The following AP1S3 variants were observed in gnomAD, a reference collection of about 807,000 sequenced individuals.
AP1S3 encodes the protein AP-1 complex subunit sigma-3.
AP1S3 carries 10 observed loss-of-function variants against 20.9 expected under a neutral mutation model. The observed-to-expected ratio is 0.48, with a 90% CI of 0.29 to 0.81. The LOEUF (loss-of-function observed/expected upper bound fraction) is 0.81, where lower values mean the gene tolerates loss of function less well. AP1S3 is among the 30% of genes least tolerant of loss of function. The probability of loss-of-function intolerance (pLI) is 0.08; values close to 1 mark genes in which losing one functional copy is unlikely to be tolerated. For missense variants in AP1S3, 154 were observed against 183.8 expected, an observed-to-expected ratio of 0.84 and a Z score of 0.94; for synonymous variants, 41 against 61.5, an observed-to-expected ratio of 0.67 and a Z score of 1.56.
intron 3 of AP1S3, among the ~76,000 whole-genome samples, chr2:223,770,719 A>C: frequency 1.5e-5 from 2 of 129,180 alleles, no homozygotes; most frequent in African/African-American, 6.6e-5. Context: ...AGACCCTTAG[A>C]CCAGTTCATT....
intron 1 of AP1S3, among the ~76,000 whole-genome samples, chr2:223,792,096 GC>G (rs1167669638): frequency 6.6e-6 from 1 of 152,156 alleles, no homozygotes; most frequent in East Asian, 1.9e-4. Flanking sequence ...CAGATTCAAT[GC>G]CATTCCCATT....
intron 3 of AP1S3, chr2:223,773,415 A>G: frequency 7.9e-7 from 1 of 1,266,828 alleles, no homozygotes; most frequent in Non-Finnish European, 1.0e-6. Flanking sequence ...AGAAAGTATT[A>G]AATAATATGT....
At position 223,756,069 on chromosome 2, in the gene AP1S3, C is replaced by T. The variant is rs527793130; in HGVS notation, c.*2646G>A. ...AAATAAAGAATTTGGCCGGGTGCAG[C>T]GGCTCATGCCTGTAATTCCAGCACT... On this transcript the variant is annotated 3_prime_UTR_variant, in exon 5 of 5. Transcript: ENST00000396654. 50 of 984,914 alleles carry T rather than the reference C, an allele frequency of 5.1e-5. No homozygotes were observed. The highest frequency in any genetic ancestry group is 1.0e-3 in the Middle Eastern group (2 of 1,914). The allele number at this position is 984,914 out of a possible 1,614,324, so 61.0% of individuals were successfully genotyped here.
At chr2:223,809,172 A>T (rs561189020) in intron 1 of AP1S3, among the ~76,000 whole-genome samples, 1 of 152,296 alleles carries the variant, frequency 6.6e-6, no homozygotes, top group East Asian at 1.9e-4. Flanking sequence ...GAAAGAGCCA[A>T]ATCCTCACCA....
At chr2:223,802,861 C>T (rs1394688844) in intron 1 of AP1S3, among the ~76,000 whole-genome samples, 1 of 152,134 alleles carries the variant, frequency 6.6e-6, no homozygotes, top group Non-Finnish European at 1.5e-5. Flanking sequence ...TTTTGAACAA[C>T]CAACCATTTT....
At chr2:223,832,720 C>T (rs1208649919) in intron 1 of AP1S3, among the ~76,000 whole-genome samples, 1 of 151,900 alleles carries the variant, frequency 6.6e-6, no homozygotes, top group Non-Finnish European at 1.5e-5. Flanking sequence ...CGTGGCAGGA[C>T]CTACAGGTTC....
Position 223,758,684 on chromosome 2 carries a change from G to T in AP1S3, c.*31C>A. ...TTGCTTATTTACAGCTTCATAACAT[G>T]TAGTGCTGGAGTCTTCAAGTAGATT... On this transcript the variant is annotated 3_prime_UTR_variant, in exon 5 of 5. Coordinates refer to ENST00000396654, the MANE Select transcript of AP1S3 (RefSeq NM_001039569.2). 2 of 1,579,450 alleles carry T rather than the reference G, an allele frequency of 1.3e-6. No homozygotes were observed.
intron 1 of AP1S3, among the ~76,000 whole-genome samples, chr2:223,797,829 T>G (rs1411286568): frequency 6.6e-6 from 1 of 152,208 alleles, no homozygotes; most frequent in Non-Finnish European, 1.5e-5. Flanking sequence ...ACACTGTGTG[T>G]GGATGTGGTC....
chr2:223,829,369 A>G (rs1043657376), intron 1 of AP1S3, among the ~76,000 whole-genome samples: 2 of 152,160 alleles, frequency 1.3e-5, no homozygotes, highest in East Asian at 1.9e-4. Flanking sequence ...GCTCATGTCT[A>G]TAATCCCAAC....
At chr2:223,832,133 C>CTGTGTGTGTGTG (rs1482045373) in intron 1 of AP1S3, among the ~76,000 whole-genome samples, 2 of 43,020 alleles carry the variant, frequency 4.6e-5, no homozygotes, top group East Asian at 5.1e-4. Flanking sequence ...GGAGTTTTCT[C>CTGTGTGTGTGTG]TCTGTGTGTG....
Position 223,765,353 on chromosome 2 carries a change from G to A in AP1S3, c.292-3C>T, listed in dbSNP as rs1288767327. ...AAGATAATATCCAGCTCACAGACCTGGTGGGACAAAAACAAACGTTTTGAT... is the reference window on the plus strand; with the variant it reads ...AAGATAATATCCAGCTCACAGACCTAGTGGGACAAAAACAAACGTTTTGAT... On this transcript the variant is annotated splice_region_variant and splice_polypyrimidine_tract_variant and intron_variant, in intron 3 of 4. Transcript: ENST00000396654. 1 of 1,602,812 alleles carries A rather than the reference G, an allele frequency of 6.2e-7. No homozygotes were observed. Among genetic ancestry groups the A allele is most frequent in the East Asian group, 2.2e-5 (1 of 44,740 alleles).
chr2:223,785,320 C>A (rs1691047758), intron 1 of AP1S3, among the ~76,000 whole-genome samples: 1 of 151,888 alleles, frequency 6.6e-6, no homozygotes, highest in African/African-American at 2.4e-5. Context: ...CCAGCCTGGG[C>A]AATAAGACCG....
intron 1 of AP1S3, among the ~76,000 whole-genome samples, chr2:223,801,724 G>A (rs199669166): frequency 4.6e-5 from 7 of 152,222 alleles, no homozygotes; most frequent in East Asian, 1.9e-4. Flanking sequence ...GATTACAGGC[G>A]TGAGCCACTG....
At chr2:223,787,872 G>T (rs1474202437) in intron 1 of AP1S3, among the ~76,000 whole-genome samples, 2 of 152,166 alleles carry the variant, frequency 1.3e-5, no homozygotes, top group Admixed American at 1.3e-4. Flanking sequence ...CCGGCCCCCA[G>T]AGTCAGTAAC....
At chr2:223,775,843 G>T in intron 3 of AP1S3, 58 bp downstream of exon 3, 1 of 1,306,394 alleles carries the variant, frequency 7.7e-7, no homozygotes, top group South Asian at 1.2e-5. Context: ...AGACAGAACT[G>T]AAGTAAGAGC....
intron 1 of AP1S3, among the ~76,000 whole-genome samples, chr2:223,797,286 AG>A (rs1326266005): frequency 3.3e-5 from 5 of 152,180 alleles, no homozygotes; most frequent in Non-Finnish European, 7.3e-5. Context: ...TGGAGGAGAG[AG>A]CAGCAACTAT....
chr2:223,776,148 C>A lies in AP1S3; in HGVS notation c.183-139G>T, dbSNP rs1461274792. On this transcript the variant is annotated intron_variant, in intron 2 of 4. Coordinates refer to ENST00000396654, the MANE Select transcript of AP1S3 (RefSeq NM_001039569.2). ...AGAATGAAATCATTATTCATCACCC[C>A]CAATAGCCTCCTGAAATATAAATCA... 4.2e-6 allele frequency: 3 copies of A among 716,728 alleles called. No homozygotes were observed. In the East Asian group the frequency reaches 8.1e-5, roughly 19 times the overall value. The allele number at this position is 716,728 out of a possible 1,614,324, so 44.4% of individuals were successfully genotyped here.
chr2:223,768,567 G>C (rs1690535432), intron 3 of AP1S3, among the ~76,000 whole-genome samples: 1 of 152,164 alleles, frequency 6.6e-6, no homozygotes, highest in Non-Finnish European at 1.5e-5. Context: ...TTTAAGTAGA[G>C]GCCTTGTCTG....
At chr2:223,787,679 C>G (rs1396462006) in intron 1 of AP1S3, among the ~76,000 whole-genome samples, 2 of 152,134 alleles carry the variant, frequency 1.3e-5, no homozygotes, top group Non-Finnish European at 2.9e-5. Flanking sequence ...GTCTCCCTAT[C>G]GAGTAACTGA....
Sources: gnomAD v4.1 joint callset for allele counts (sites outside exome capture counted in the v4.1 genomes callset) on GRCh38, gnomAD v4.1.1 for gene constraint, MANE v1.5 for transcripts, NCBI Gene and HGNC (gene_info 2026-07-23, HGNC 2026-07-21) for gene names.